Variants in ANO3 observed in about 807,000 individuals in gnomAD.
The protein encoded by ANO3 is anoctamin-3.
ANO3 carries 99 observed loss-of-function variants against 144.8 expected under a neutral mutation model. The observed-to-expected ratio is 0.68, with a 90% CI of 0.58 to 0.81. The LOEUF is 0.81. Ranked by LOEUF, ANO3 falls within the 30% of genes least tolerant of loss-of-function variation. The pLI, the probability that ANO3 is intolerant of heterozygous loss-of-function variation, is 0.00. For missense variants in ANO3, 905 were observed against 1,202.2 expected (o/e 0.75, Z 3.66); for synonymous variants, 414 against 392.6 (o/e 1.05, Z -0.64).
chr11:26,237,753 T>C (rs1852566521), intron 1 of ANO3, among the ~76,000 whole-genome samples: 1 of 152,082 alleles, frequency 6.6e-6, no homozygotes, highest in South Asian at 2.1e-4. Context: ...AGTAGAAAAG[T>C]TATATATGCC....
intron 1 of ANO3, among the ~76,000 whole-genome samples, chr11:26,374,906 G>T (rs975576044): frequency 2.0e-5 from 3 of 152,122 alleles, no homozygotes; most frequent in Admixed American, 2.0e-4. Context: ...ACCATGCCTG[G>T]TTAATTTTTG....
At chr11:26,258,168 A>T (rs1853102893) in intron 1 of ANO3, among the ~76,000 whole-genome samples, 1 of 152,184 alleles carries the variant, frequency 6.6e-6, no homozygotes, top group Non-Finnish European at 1.5e-5. Context: ...TACAAGAGTA[A>T]GTATGTATTA....
At chr11:26,332,409 C>A in intron 1 of ANO3, 88 bp downstream of exon 1, 4 of 1,253,972 alleles carry the variant, frequency 3.2e-6, no homozygotes, top group Non-Finnish European at 3.5e-6. Context: ...CCTTTGCAGG[C>A]TTATGCGACA....
At chr11:26,449,847 C>T (rs1167262882) in intron 3 of ANO3, among the ~76,000 whole-genome samples, 2 of 151,828 alleles carry the variant, frequency 1.3e-5, no homozygotes, top group African/African-American at 2.4e-5. Flanking sequence ...ACCTCTGCCT[C>T]GGGTTCAAGC....
chr11:26,221,334 G>C (rs1230793458), intron 1 of ANO3, among the ~76,000 whole-genome samples: 1 of 152,166 alleles, frequency 6.6e-6, no homozygotes, highest in Admixed American at 6.5e-5. Context: ...TGTGGCATAA[G>C]GAAGTCTCGT....
intron 3 of ANO3, among the ~76,000 whole-genome samples, chr11:26,459,624 A>G (rs1473809496): frequency 6.6e-6 from 1 of 152,042 alleles, no homozygotes; most frequent in Non-Finnish European, 1.5e-5. Context: ...ATATATATAT[A>G]GGCCAGGCCA....
chr11:26,411,193 G>A (rs1857422084), intron 1 of ANO3, among the ~76,000 whole-genome samples: 1 of 151,956 alleles, frequency 6.6e-6, no homozygotes, highest in African/African-American at 2.4e-5. Context: ...GCAGAGTATG[G>A]CATTTCATGA....
intron 14 of ANO3, among the ~76,000 whole-genome samples, chr11:26,593,483 C>T (rs772664923): frequency 3.9e-5 from 6 of 152,216 alleles, no homozygotes; most frequent in East Asian, 3.9e-4. Flanking sequence ...CTAAGAAGGC[C>T]GCGCCAGTGT....
At chr11:26,472,590 T>C (rs1859821818) in intron 4 of ANO3, among the ~76,000 whole-genome samples, 4 of 151,862 alleles carry the variant, frequency 2.6e-5, no homozygotes, top group Admixed American at 2.6e-4. Flanking sequence ...ACAAGTGAAT[T>C]GGGTAGTTAG....
chr11:26,532,235 GA>G (rs1849392693), intron 8 of ANO3, among the ~76,000 whole-genome samples: 9 of 152,108 alleles, frequency 5.9e-5, no homozygotes, highest in Admixed American at 5.9e-4. Context: ...GGTGTAACTA[GA>G]AGCATGCTTT....
intron 14 of ANO3, among the ~76,000 whole-genome samples, chr11:26,561,946 C>T (rs1850310901): frequency 6.6e-6 from 1 of 151,894 alleles, no homozygotes; most frequent in Admixed American, 6.6e-5. Context: ...TGCTTATCTA[C>T]TTATTCCTGT....
At chr11:26,487,612 T>G (rs1860507329) in intron 4 of ANO3, among the ~76,000 whole-genome samples, 1 of 152,004 alleles carries the variant, frequency 6.6e-6, no homozygotes, top group Non-Finnish European at 1.5e-5. Flanking sequence ...AAAGACTGGT[T>G]AAGTGGCTTT....
chr11:26,546,756 T>C (rs1464214510), intron 11 of ANO3, among the ~76,000 whole-genome samples: 1 of 152,030 alleles, frequency 6.6e-6, no homozygotes, highest in Non-Finnish European at 1.5e-5. Context: ...CATCCTTCGA[T>C]ACTTCCTGCG....
At chr11:26,297,606 T>C (rs1854123248) in intron 1 of ANO3, among the ~76,000 whole-genome samples, 1 of 152,196 alleles carries the variant, frequency 6.6e-6, no homozygotes, top group South Asian at 2.1e-4. Flanking sequence ...AAAAGACTGG[T>C]CATTTTCCCC....
chr11:26,397,690 T>C (rs549553039), intron 1 of ANO3, among the ~76,000 whole-genome samples: 1 of 152,102 alleles, frequency 6.6e-6, no homozygotes, highest in Non-Finnish European at 1.5e-5. Context: ...TATCATTTCT[T>C]TGTGTTGGGA....
rs1317119245 is a variant in ANO3 at position 26,358,662 on chromosome 11, AT to A, written c.46+26346del. Among the ~76,000 whole-genome samples, 13 of 152,116 alleles carry A rather than the reference AT, an allele frequency of 8.5e-5. No homozygotes were observed. In the Middle Eastern group the frequency reaches 0.017, roughly 199 times the overall value. On this transcript the variant is annotated intron_variant, in intron 1 of 26. Transcript: ENST00000256737. The stretch of plus-strand genomic sequence containing the variant: ...TATGTGGGTGTACAGTTTTCATTAC[AT>A]TTTTGAAATGCTTTCGGCCACTAGT...
chr11:26,208,263 G>T (rs4550177), intron 1 of ANO3: 45,969 of 152,114 alleles, frequency 0.3, 7,686 homozygotes, highest in Non-Finnish European at 0.37. Flanking sequence ...TGTAATCCCA[G>T]CACTTTGGGA....
intron 14 of ANO3, among the ~76,000 whole-genome samples, chr11:26,572,830 T>G (rs1850879799): frequency 6.6e-6 from 1 of 152,150 alleles, no homozygotes; most frequent in Admixed American, 6.6e-5. Context: ...AACTGGGGCC[T>G]GAGAATGGCC....
At chr11:26,222,198 GC>G (rs1852160033) in intron 1 of ANO3, among the ~76,000 whole-genome samples, 1 of 152,212 alleles carries the variant, frequency 6.6e-6, no homozygotes, top group Non-Finnish European at 1.5e-5. Context: ...GAAGAAAGGG[GC>G]TATAGGCCCC....
Sources: gnomAD v4.1 joint callset for allele counts (sites outside exome capture counted in the v4.1 genomes callset) on GRCh38, gnomAD v4.1.1 for gene constraint, MANE v1.5 for transcripts, NCBI Gene and HGNC (gene_info 2026-07-23, HGNC 2026-07-21) for gene names.